Variants in EGFL6 observed in about 807,000 individuals in gnomAD.
EGFL6 encodes EGF like domain multiple 6.
In EGFL6, 42 loss-of-function variants were observed where a neutral mutation model predicts 43.1. The observed-to-expected ratio is 0.98, with a 90% CI of 0.76 to 1.26. The LOEUF (loss-of-function observed/expected upper bound fraction) is 1.26. EGFL6 is among the 50% of genes most tolerant of loss of function. EGFL6 has a pLI of 0.00. For synonymous variants in EGFL6, 164 were observed against 163.2 expected (o/e 1.01, Z -0.04); for missense variants, 429 against 427.8 (o/e 1.00, Z -0.02).
At chrX:13,596,663 C>T (rs1168622957) in intron 3 of EGFL6, 1 of 111,693 alleles carries the variant, frequency 9.0e-6, no homozygotes, top group African/African-American at 3.3e-5. Context: ...AGACTCCTGA[C>T]TACAGGCACA....
chrX:13,597,805 A>G (rs1358970933), intron 3 of EGFL6, among the ~76,000 whole-genome samples: 1 of 111,792 alleles, frequency 8.9e-6, no homozygotes, highest in Non-Finnish European at 1.9e-5. Flanking sequence ...TCATGCTTTC[A>G]TAAGTAATAA....
chrX:13,602,090 T>C (rs1177401501), intron 4 of EGFL6, among the ~76,000 whole-genome samples: 1 of 111,970 alleles, frequency 8.9e-6, no homozygotes, highest in Non-Finnish European at 1.9e-5. Context: ...ACATTGGGTC[T>C]CTTTCTGTAT....
At chrX:13,571,774 G>A (rs192534879) in intron 1 of EGFL6, among the ~76,000 whole-genome samples, 60 of 112,095 alleles carry the variant, frequency 5.4e-4, no homozygotes, top group Admixed American at 2.5e-3. Flanking sequence ...AATGTGCTTG[G>A]AAATGTCAAG....
intron 3 of EGFL6, among the ~76,000 whole-genome samples, chrX:13,595,320 C>CA (rs746777960): frequency 9.0e-6 from 1 of 111,226 alleles, no homozygotes. Flanking sequence ...TCCAGCAGTG[C>CA]AAAAAAATAT....
At chrX:13,576,623 TGTA>T (rs943600228) in intron 1 of EGFL6, among the ~76,000 whole-genome samples, 1 of 111,519 alleles carries the variant, frequency 9.0e-6, no homozygotes, top group Non-Finnish European at 1.9e-5. Flanking sequence ...GGCTGGGAAA[TGTA>T]GTCTATATTC....
At chrX:13,590,355 C>T (rs927762591) in intron 2 of EGFL6, 5 of 111,687 alleles carry the variant, frequency 4.5e-5, no homozygotes, top group African/African-American at 1.6e-4. Flanking sequence ...TTATGACTTT[C>T]CATAACGACC....
In EGFL6 at chrX:13,590,070, C is replaced by T. The variant is rs1021225952; in HGVS notation, c.187+402C>T. ...TCACCCAACCAGTAGGCTTCAGCCA[C>T]AAAATAAGTACACCTTTTAGCTTAT... On this transcript the variant is annotated intron_variant, in intron 2 of 11. Coordinates refer to ENST00000361306, the MANE Select transcript of EGFL6 (RefSeq NM_015507.4). Among the ~76,000 whole-genome samples the T allele has an allele frequency of 4.4e-5, 5 of 112,732 alleles. No homozygotes were observed. The East Asian group carries it at 1.4e-3, about 31-fold the overall frequency.
intron 9 of EGFL6, among the ~76,000 whole-genome samples, chrX:13,621,081 A>G (rs2045745970): frequency 8.9e-6 from 1 of 112,730 alleles, no homozygotes; most frequent in Non-Finnish European, 1.9e-5. Context: ...AATAAGAGCA[A>G]TATTCATCTC....
chrX:13,597,785 GA>G (rs200848302), intron 3 of EGFL6, among the ~76,000 whole-genome samples: 1 of 108,547 alleles, frequency 9.2e-6, no homozygotes, highest in Non-Finnish European at 1.9e-5. Flanking sequence ...CTCCATCTCA[GA>G]AAAAAAAATC....
chrX:13,588,599 G>A, intron 1 of EGFL6, among the ~76,000 whole-genome samples: 2 of 110,638 alleles, frequency 1.8e-5, no homozygotes, highest in Non-Finnish European at 3.8e-5. Context: ...GGGGACAGGG[G>A]GCTCACCTTT....
chrX:13,607,884 T>C lies in EGFL6; in HGVS notation c.656-440T>C, dbSNP rs769579273. On this transcript the variant is annotated intron_variant, in intron 6 of 11. Transcript: ENST00000361306. Reference sequence around the variant, plus strand: ...CTCAGGCCAGCCTGACCCTTTCTCCTGGCAGTCTTAGAACAAAATGCCTGT... The same window carrying C: ...CTCAGGCCAGCCTGACCCTTTCTCCCGGCAGTCTTAGAACAAAATGCCTGT... Among the ~76,000 whole-genome samples, 3 of 112,518 alleles carry C rather than the reference T, an allele frequency of 2.7e-5. No individual in the cohort carries two copies. The South Asian group carries it at 1.1e-3, about 42-fold the overall frequency.
chrX:13,584,032 A>T (rs2045521649), intron 1 of EGFL6, among the ~76,000 whole-genome samples: 1 of 112,488 alleles, frequency 8.9e-6, no homozygotes, highest in Non-Finnish European at 1.9e-5. Context: ...TTACTGTGTT[A>T]GTCACCATTC....
intron 9 of EGFL6, among the ~76,000 whole-genome samples, chrX:13,622,761 T>C (rs1325849879): frequency 3.6e-5 from 4 of 112,673 alleles, no homozygotes; most frequent in Non-Finnish European, 7.5e-5. Flanking sequence ...ATAGTGTGTT[T>C]CAATAAAACT....
intron 11 of EGFL6, among the ~76,000 whole-genome samples, chrX:13,632,547 G>A (rs1454185764): frequency 8.2e-5 from 9 of 109,288 alleles, no homozygotes; most frequent in East Asian, 5.7e-4. Context: ...CTCGTGATCC[G>A]CCCGCCTCGG....
chrX:13,608,585 GC>G, intron 7 of EGFL6, 139 bp downstream of exon 7: 1 of 766,855 alleles, frequency 1.3e-6, no homozygotes, highest in Admixed American at 3.1e-5. Context: ...GTGTGTGTGT[GC>G]AGTGTTTAAC....
chrX:13,575,409 G>A (rs2045466419), intron 1 of EGFL6, among the ~76,000 whole-genome samples: 2 of 111,637 alleles, frequency 1.8e-5, no homozygotes, highest in Non-Finnish European at 3.8e-5. Flanking sequence ...CAAAAAACAA[G>A]CCAAAAAGAG....
At chrX:13,623,703 G>A (rs746825291) in intron 9 of EGFL6, 121 bp from the exon 10 acceptor site, 17 of 486,739 alleles carry the variant, frequency 3.5e-5, no homozygotes, top group Admixed American at 1.1e-4. Flanking sequence ...CTCAAAACAG[G>A]GTATGTCATG....
chrX:13,591,289 A>C (rs2045561487), intron 2 of EGFL6, among the ~76,000 whole-genome samples: 1 of 111,814 alleles, frequency 8.9e-6, no homozygotes, highest in Non-Finnish European at 1.9e-5. Context: ...TCTCTCTTAC[A>C]GTTGCACGAA....
At chrX:13,621,370 C>A (rs2045747767) in intron 9 of EGFL6, among the ~76,000 whole-genome samples, 1 of 111,542 alleles carries the variant, frequency 9.0e-6, no homozygotes, top group Non-Finnish European at 1.9e-5. Context: ...ATATATATAC[C>A]AACTCCCATC....
Sources: gnomAD v4.1 joint callset for allele counts (sites outside exome capture counted in the v4.1 genomes callset) on GRCh38, gnomAD v4.1.1 for gene constraint, MANE v1.5 for transcripts, NCBI Gene and HGNC (gene_info 2026-07-23, HGNC 2026-07-21) for gene names.